The following NPAS2 variants were observed in gnomAD, a reference collection of about 807,000 sequenced individuals.
The protein encoded by NPAS2 is neuronal PAS domain-containing protein 2.
NPAS2 carries 23 observed loss-of-function variants against 107.5 expected under a neutral mutation model. That is an observed-to-expected ratio of 0.21 (90% CI 0.15 to 0.30). NPAS2 has a LOEUF of 0.30. NPAS2 is among the 10% of genes least tolerant of loss of function. NPAS2 has a pLI of 1.00. For synonymous variants in NPAS2, 403 were observed against 417.5 expected (o/e 0.97, Z 0.42); for missense variants, 756 against 1,043.3 (o/e 0.72, Z 3.79).
In NPAS2 at chr2:100,869,788, A is replaced by G. The variant is rs183874052; in HGVS notation, c.-22-34945A>G. ...TCTGGCCTCCTGCCTTATCCACACA[A>G]TATCAAAAAGGCTTGGGCCGGGGCT... On this transcript the variant is annotated intron_variant, in intron 1 of 20. Transcript: ENST00000335681. Among the ~76,000 whole-genome samples, 349 of 152,024 alleles carry G rather than the reference A, an allele frequency of 2.3e-3. 3 individuals are homozygous for G. Among genetic ancestry groups the G allele is most frequent in the African/African-American group, 8.3e-3 (342 of 41,438 alleles).
Position 100,948,336 on chromosome 2 carries a change from C to T in NPAS2, c.465C>T (p.Pro155=). The T allele has an allele frequency of 6.2e-7, 1 of 1,609,624 alleles. No homozygotes were observed. Among genetic ancestry groups the T allele is most frequent in the South Asian group, 1.1e-5 (1 of 89,546 alleles). Residue 155 remains proline, a synonymous_variant, in exon 6 of 21, where the codon CCC becomes CCT. Transcript: ENST00000335681. The part of the protein sequence containing the change: ...LSSHMLVTDS[P]SPEYLKSDSD... ...CCCATATGCTTGTGACGGATTCCCC[C>T]TCCCCAGAATACTTAAAATGTAAGT...
chr2:100,903,315 G>A (rs1681912453), intron 1 of NPAS2, among the ~76,000 whole-genome samples: 1 of 152,238 alleles, frequency 6.6e-6, no homozygotes, highest in Admixed American at 6.5e-5. Context: ...GCACAGGCCT[G>A]TTTGCAGATG....
At chr2:100,857,864 A>G (rs1291556900) in intron 1 of NPAS2, among the ~76,000 whole-genome samples, 1 of 152,236 alleles carries the variant, frequency 6.6e-6, no homozygotes, top group African/African-American at 2.4e-5. Context: ...GGTCTCTCTT[A>G]TGTCTGCTTC....
intron 2 of NPAS2, among the ~76,000 whole-genome samples, chr2:100,912,551 C>T (rs1354224740): frequency 6.6e-6 from 1 of 152,142 alleles, no homozygotes; most frequent in Middle Eastern, 3.2e-3. Context: ...GTGCCTGTTT[C>T]GTTCCAGGTG....
intron 2 of NPAS2, among the ~76,000 whole-genome samples, chr2:100,907,020 C>T (rs925977875): frequency 2.6e-5 from 4 of 152,036 alleles, no homozygotes; most frequent in Admixed American, 1.3e-4. Flanking sequence ...TCTACCTGGC[C>T]GACTAGACAA....
intron 18 of NPAS2, 125 bp downstream of exon 18, chr2:100,990,571 C>A: frequency 8.6e-7 from 1 of 1,157,810 alleles, no homozygotes; most frequent in Non-Finnish European, 1.2e-6. Flanking sequence ...CAGTTGATCT[C>A]AGCTAAGGAA....
intron 1 of NPAS2, among the ~76,000 whole-genome samples, chr2:100,836,399 A>G (rs931698342): frequency 2.0e-5 from 3 of 152,168 alleles, no homozygotes; most frequent in Non-Finnish European, 4.4e-5. Context: ...CTTGAATAAC[A>G]TCTGTCTGAA....
At chr2:100,847,661 T>C (rs1320912943) in intron 1 of NPAS2, among the ~76,000 whole-genome samples, 1 of 152,242 alleles carries the variant, frequency 6.6e-6, no homozygotes, top group Non-Finnish European at 1.5e-5. Flanking sequence ...TGAGCCACCA[T>C]GCCTGGCCAT....
At chr2:100,896,833 C>T (rs542639856) in intron 1 of NPAS2, among the ~76,000 whole-genome samples, 1 of 151,632 alleles carries the variant, frequency 6.6e-6, no homozygotes, top group East Asian at 1.9e-4. Context: ...TCCCTCCCTT[C>T]CTCCCTTCCT....
chr2:100,977,902 G>T (rs1314947825), intron 15 of NPAS2, 103 bp downstream of exon 15: 9 of 943,264 alleles, frequency 9.5e-6, no homozygotes, highest in Non-Finnish European at 1.7e-6. Flanking sequence ...AGGCCCTGAC[G>T]TGGGGGAATG....
At position 100,932,969 on chromosome 2, in the gene NPAS2, A is replaced by C. The variant is rs779574673; in HGVS notation, c.241A>C (p.Ser81Arg). 7 of 1,614,026 alleles carry C rather than the reference A, an allele frequency of 4.3e-6. No homozygotes were observed. The highest frequency in any genetic ancestry group is 5.9e-6 in the Non-Finnish European group (7 of 1,179,846). Residue 81 changes from serine (S) to arginine (R), a missense_variant, in exon 4 of 21, where the codon AGT becomes CGT. Physicochemically the swap from Ser to Arg is moderately radical, Grantham distance 110. Coordinates refer to ENST00000335681, the MANE Select transcript of NPAS2 (RefSeq NM_002518.4). Reference protein sequence around the residue: ...IQQDWKPSFLSNEEFTQLMLE... With the variant: ...IQQDWKPSFLRNEEFTQLMLE... ...GCAAGACTGGAAGCCTTCATTCCTC[A>C]GTAATGAAGAATTCACCCAGCTGAT... is the stretch of plus-strand genomic sequence containing the variant.
At chr2:100,909,742 T>G (rs934057016) in intron 2 of NPAS2, among the ~76,000 whole-genome samples, 8 of 152,278 alleles carry the variant, frequency 5.3e-5, no homozygotes, top group South Asian at 4.1e-4. Context: ...TCTTTGTTTT[T>G]TTTTTTTTTA....
In NPAS2 at chr2:100,861,023, C is replaced by T. The variant is rs1573487299; in HGVS notation, c.-23+40609C>T. 2.6e-5 allele frequency among the ~76,000 whole-genome samples: 4 copies of T among 151,058 alleles called. No individual in the cohort carries two copies. In the South Asian group the frequency reaches 8.3e-4, roughly 31 times the overall value. ...CAGATTCCCTACAGGTACACACCAC[C>T]ACCCCCAGCTAATTTTTTTTTTTTT... On this transcript the variant is annotated intron_variant, in intron 1 of 20. Transcript: ENST00000335681.
At chr2:100,879,112 C>CA (rs371903852) in intron 1 of NPAS2, among the ~76,000 whole-genome samples, 4,039 of 84,238 alleles carry the variant, frequency 0.048, 98 homozygotes, top group African/African-American at 0.09. Flanking sequence ...GACTCTGTCT[C>CA]AAAAAAAAAG....
chr2:100,885,283 A>G (rs1445301056), intron 1 of NPAS2, among the ~76,000 whole-genome samples: 1 of 152,172 alleles, frequency 6.6e-6, no homozygotes, highest in Non-Finnish European at 1.5e-5. Flanking sequence ...GAGGGAATGA[A>G]TTGCAATGAA....
At chr2:100,985,056 A>G (rs1224874570) in intron 16 of NPAS2, 1 of 152,224 alleles carries the variant, frequency 6.6e-6, no homozygotes, top group Non-Finnish European at 1.5e-5. Flanking sequence ...TGGCTGCTCA[A>G]AGGAATGCCT....
At chr2:100,964,247 A>G in intron 8 of NPAS2, 71 bp downstream of exon 8, 1 of 1,037,236 alleles carries the variant, frequency 9.6e-7, no homozygotes, top group Non-Finnish European at 1.5e-6. Flanking sequence ...TATGTAATTA[A>G]TGGTCTTTTG....
intron 1 of NPAS2, among the ~76,000 whole-genome samples, chr2:100,877,610 C>T (rs889837922): frequency 2.0e-5 from 3 of 152,140 alleles, no homozygotes; most frequent in African/African-American, 4.8e-5. Flanking sequence ...AGGGTTTTCA[C>T]GGGGGACCTT....
chr2:100,917,458 G>T (rs1682958882), intron 2 of NPAS2, among the ~76,000 whole-genome samples: 1 of 152,154 alleles, frequency 6.6e-6, no homozygotes, highest in African/African-American at 2.4e-5. Flanking sequence ...AACCTGGGAG[G>T]TGGAGGTTGC....
Sources: gnomAD v4.1 joint callset for allele counts (sites outside exome capture counted in the v4.1 genomes callset) on GRCh38, gnomAD v4.1.1 for gene constraint, MANE v1.5 for transcripts, NCBI Gene and HGNC (gene_info 2026-07-23, HGNC 2026-07-21) for gene names.